TENM3: variants seen among roughly 807,000 people sequenced by gnomAD.
TENM3 encodes teneurin transmembrane protein 3.
In TENM3, 63 loss-of-function variants were observed where a neutral mutation model predicts 255.1. The ratio of observed to expected loss-of-function variants is 0.25; its 90% CI spans 0.20 to 0.30. TENM3 has a LOEUF of 0.30. TENM3 is among the 10% of genes least tolerant of loss of function. The pLI is 1.00. For synonymous variants in TENM3, 1,306 were observed against 1,322.3 expected (o/e 0.99, Z 0.27); for missense variants, 2,929 against 3,461.1 (o/e 0.85, Z 3.86).
the TENM3 span, among the ~76,000 whole-genome samples, chr4:181,456,127 A>ATATGTGTG: frequency 7.1e-6 from 1 of 141,648 alleles, no homozygotes. Context: ...ATATATATAT[A>ATATGTGTG]TGTGTGTGTG....
the TENM3 span, among the ~76,000 whole-genome samples, chr4:182,057,821 C>T: frequency 6.6e-6 from 1 of 152,050 alleles, no homozygotes. Context: ...AAGCGTCCTT[C>T]ACCTCAAAGG....
the TENM3 span, among the ~76,000 whole-genome samples, chr4:181,828,701 G>T: frequency 2.8e-4 from 42 of 152,268 alleles, no homozygotes; most frequent in African/African-American, 9.9e-4. Context: ...TGATTCTCCT[G>T]CCTCAGCCTC....
chr4:181,546,522 T>G, the TENM3 span, among the ~76,000 whole-genome samples: 1 of 150,954 alleles, frequency 6.6e-6, no homozygotes, highest in East Asian at 2.0e-4. Context: ...GAGACCATCC[T>G]GGCTAACACG....
the TENM3 span, among the ~76,000 whole-genome samples, chr4:181,873,913 T>A: frequency 6.6e-6 from 1 of 152,144 alleles, no homozygotes; most frequent in African/African-American, 2.4e-5. Context: ...GCTTCCAGAG[T>A]AGCTGGGATT....
chr4:182,199,043 GTA>G (rs1190772987), intron 1 of TENM3, among the ~76,000 whole-genome samples: 1 of 152,206 alleles, frequency 6.6e-6, no homozygotes, highest in Non-Finnish European at 1.5e-5. Flanking sequence ...ACAAATTTCA[GTA>G]TAGTTTAGAT....
chr4:181,619,251 T>A, the TENM3 span, among the ~76,000 whole-genome samples: 17 of 152,178 alleles, frequency 1.1e-4, no homozygotes, highest in Admixed American at 8.5e-4. Context: ...TTAGGGCTGG[T>A]TTCCCCAAGC....
At chr4:182,543,387 G>A (rs916183947) in intron 3 of TENM3, among the ~76,000 whole-genome samples, 1 of 152,172 alleles carries the variant, frequency 6.6e-6, no homozygotes, top group Non-Finnish European at 1.5e-5. Flanking sequence ...GCTGCATCTG[G>A]TAGGGTCATT....
At chr4:181,514,810 C>G in the TENM3 span, among the ~76,000 whole-genome samples, 1 of 152,124 alleles carries the variant, frequency 6.6e-6, no homozygotes, top group African/African-American at 2.4e-5. Context: ...AAACCTGAGG[C>G]GTGGTAGCCA....
chr4:181,662,297 G>A, the TENM3 span, among the ~76,000 whole-genome samples: 1 of 152,134 alleles, frequency 6.6e-6, no homozygotes, highest in African/African-American at 2.4e-5. Flanking sequence ...GAGTTTGCAT[G>A]ATACACAGTA....
chr4:181,913,438 C>T, the TENM3 span, among the ~76,000 whole-genome samples: 12 of 152,092 alleles, frequency 7.9e-5, no homozygotes, highest in African/African-American at 2.2e-4. Context: ...GAGAGCACAC[C>T]GGACAAGGGA....
At chr4:182,065,692 G>A in the TENM3 span, among the ~76,000 whole-genome samples, 2 of 152,136 alleles carry the variant, frequency 1.3e-5, no homozygotes, top group Admixed American at 6.5e-5. Context: ...AGTTATAAAC[G>A]GGAACTTCCC....
the TENM3 span, among the ~76,000 whole-genome samples, chr4:182,030,052 T>TTTTTTGTTGTTG: frequency 1.5e-5 from 2 of 134,756 alleles, no homozygotes; most frequent in Non-Finnish European, 3.1e-5. Context: ...TCAATGCATC[T>TTTTTTGTTGTTG]TTGTTGTTGT....
intron 1 of TENM3, among the ~76,000 whole-genome samples, chr4:182,293,930 C>A (rs185937318): frequency 2.0e-5 from 3 of 152,202 alleles, no homozygotes; most frequent in African/African-American, 7.2e-5. Flanking sequence ...AGCTTGTTAA[C>A]CCAAATGCCT....
the TENM3 span, among the ~76,000 whole-genome samples, chr4:181,572,550 C>T: frequency 0.011 from 1,668 of 152,212 alleles, 12 homozygotes; most frequent in South Asian, 0.056. Flanking sequence ...TACAGTTTCA[C>T]ACTTTTTTTT....
chr4:182,783,780 T>C (rs1466833358), intron 24 of TENM3, among the ~76,000 whole-genome samples: 3 of 152,186 alleles, frequency 2.0e-5, no homozygotes, highest in Non-Finnish European at 2.9e-5. Context: ...TCTCTAAACT[T>C]CCCTTCTCGC....
the TENM3 span, among the ~76,000 whole-genome samples, chr4:181,454,138 G>C: frequency 1.3e-5 from 2 of 152,198 alleles, no homozygotes; most frequent in South Asian, 4.1e-4. Context: ...TTAATGTCAT[G>C]GAACTCATAT....
the TENM3 span, among the ~76,000 whole-genome samples, chr4:182,063,423 A>G: frequency 6.6e-6 from 1 of 152,204 alleles, no homozygotes; most frequent in Non-Finnish European, 1.5e-5. Context: ...TGGTTCACGT[A>G]AGCACTTGGA....
the TENM3 span, among the ~76,000 whole-genome samples, chr4:181,923,186 C>A: frequency 6.6e-6 from 1 of 151,722 alleles, no homozygotes; most frequent in Non-Finnish European, 1.5e-5. Context: ...AGGTGTGGTG[C>A]GGTGCTGAAA....
At chr4:182,497,122 C>T (rs1735848281) in intron 3 of TENM3, among the ~76,000 whole-genome samples, 1 of 151,568 alleles carries the variant, frequency 6.6e-6, no homozygotes, top group South Asian at 2.1e-4. Context: ...GGCACGATCT[C>T]AGCTCACTGT....
Sources: allele counts gnomAD v4.1 joint callset (sites outside exome capture counted in the v4.1 genomes callset), GRCh38; gene constraint gnomAD v4.1.1; transcripts MANE v1.5; gene names NCBI Gene and HGNC (gene_info 2026-07-23, HGNC 2026-07-21).